Variants in DOCK5 observed in about 807,000 individuals in gnomAD.
DOCK5 encodes the protein dedicator of cytokinesis 5, also known as dedicator of cytokinesis protein 5.
A neutral mutation model predicts 251.8 loss-of-function variants in DOCK5; 142 were observed. That is an observed-to-expected ratio of 0.56 (90% confidence interval 0.49 to 0.65). The LOEUF (loss-of-function observed/expected upper bound fraction) is 0.65, where lower values mean the gene tolerates loss of function less well. DOCK5 is among the 30% of genes least tolerant of loss of function. DOCK5 has a pLI of 0.00. For missense variants in DOCK5, 2,111 were observed against 2,312.3 expected (o/e 0.91, Z 1.79); for synonymous variants, 842 against 835.5 (o/e 1.01, Z -0.13).
intron 1 of DOCK5, among the ~76,000 whole-genome samples, chr8:25,208,494 C>G (rs1802054654): frequency 6.6e-6 from 1 of 152,164 alleles, no homozygotes; most frequent in African/African-American, 2.4e-5. Flanking sequence ...CAACTGCCAC[C>G]CTGATCCATG....
chr8:25,262,919 A>G (rs901055327), intron 2 of DOCK5, among the ~76,000 whole-genome samples: 17 of 151,880 alleles, frequency 1.1e-4, no homozygotes, highest in Non-Finnish European at 7.4e-5. Flanking sequence ...TCCAGGTTCA[A>G]GTGATTCTCC....
At chr8:25,265,641 A>G (rs1303554563) in intron 2 of DOCK5, among the ~76,000 whole-genome samples, 1 of 151,782 alleles carries the variant, frequency 6.6e-6, no homozygotes. Context: ...ATTAGAGTGT[A>G]ATCTTCATGT....
chr8:25,329,977 C>T (rs1279709123), intron 18 of DOCK5, among the ~76,000 whole-genome samples: 1 of 152,172 alleles, frequency 6.6e-6, no homozygotes, highest in African/African-American at 2.4e-5. Context: ...AAATATTTTC[C>T]TATGTGAGCA....
At chr8:25,393,737 C>G (rs1434825606) in intron 44 of DOCK5, among the ~76,000 whole-genome samples, 2 of 152,162 alleles carry the variant, frequency 1.3e-5, no homozygotes, top group Non-Finnish European at 2.9e-5. Context: ...TTGTCTGTCC[C>G]CTGTGGCATC....
intron 5 of DOCK5, among the ~76,000 whole-genome samples, chr8:25,290,656 A>T (rs1377050209): frequency 6.6e-6 from 1 of 152,186 alleles, no homozygotes; most frequent in Non-Finnish European, 1.5e-5. Flanking sequence ...TTATTTCTCC[A>T]TTCATAATTC....
In DOCK5 at chr8:25,207,903, T is replaced by C. The variant is rs192552240; in HGVS notation, c.43+22952T>C. On this transcript the variant is annotated intron_variant, in intron 1 of 51. Transcript: ENST00000276440. Reference sequence around the variant, plus strand: ...GTGATTACGCTGATGGTTCTAGGTGTAGTACATTAAAAACCTTCTGGAAAG... The same window carrying C: ...GTGATTACGCTGATGGTTCTAGGTGCAGTACATTAAAAACCTTCTGGAAAG... Among the ~76,000 whole-genome samples the C allele has an allele frequency of 5.3e-5, 8 of 152,312 alleles. No individual in the cohort carries two copies. In the East Asian group the frequency reaches 1.3e-3, roughly 26 times the overall value.
At chr8:25,207,608 C>T (rs1802032707) in intron 1 of DOCK5, among the ~76,000 whole-genome samples, 1 of 152,206 alleles carries the variant, frequency 6.6e-6, no homozygotes, top group Non-Finnish European at 1.5e-5. Flanking sequence ...GACAGTACAT[C>T]TGTTGACAGC....
chr8:25,350,292 G>A (rs1162659086), intron 26 of DOCK5, among the ~76,000 whole-genome samples: 3 of 151,874 alleles, frequency 2.0e-5, no homozygotes, highest in Non-Finnish European at 4.4e-5. Context: ...TTAAGCAGGA[G>A]TTTCAAAGTA....
intron 7 of DOCK5, among the ~76,000 whole-genome samples, chr8:25,297,747 C>A (rs565921103): frequency 6.6e-6 from 1 of 152,136 alleles, no homozygotes; most frequent in East Asian, 1.9e-4. Context: ...AATAATTGGA[C>A]ATTAAAGAAA....
rs1361092837 is a variant in DOCK5, at chr8:25,372,706, TG to T, written c.3673del (p.Val1225Ter). ...ESKENRMSCT[V>X]NVLNFYKEKK... ...GCAAGGAGAACCGTATGAGCTGCAC[TG>T]TGAACGTGCTGGTATGTGACATGCC... On this transcript the variant is annotated frameshift_variant, in exon 35 of 52. Coordinates refer to ENST00000276440, the MANE Select transcript of DOCK5 (RefSeq NM_024940.8). LOFTEE classifies it high-confidence loss of function. 4 of 1,610,778 alleles carry T rather than the reference TG, an allele frequency of 2.5e-6. No homozygotes were observed. Among genetic ancestry groups the T allele is most frequent in the Non-Finnish European group, 2.5e-6 (3 of 1,178,566 alleles).
chr8:25,365,891 C>T (rs1247462184), intron 30 of DOCK5, among the ~76,000 whole-genome samples: 5 of 152,156 alleles, frequency 3.3e-5, no homozygotes, highest in Admixed American at 6.5e-5. Context: ...TACACACATA[C>T]ACACACAGAG....
chr8:25,279,952 A>T (rs1346415931), intron 5 of DOCK5, among the ~76,000 whole-genome samples: 1 of 151,726 alleles, frequency 6.6e-6, no homozygotes, highest in Non-Finnish European at 1.5e-5. Flanking sequence ...TTTAGTAGAG[A>T]TGGGGTTTTA....
intron 1 of DOCK5, among the ~76,000 whole-genome samples, chr8:25,188,436 T>C (rs1437128690): frequency 6.6e-6 from 1 of 152,246 alleles, no homozygotes; most frequent in Non-Finnish European, 1.5e-5. Flanking sequence ...TTGCCTGTTG[T>C]GCTCTAAGAG....
At chr8:25,255,277 A>G (rs754872724) in intron 2 of DOCK5, among the ~76,000 whole-genome samples, 1 of 152,256 alleles carries the variant, frequency 6.6e-6, no homozygotes, top group Admixed American at 6.5e-5. Context: ...AGCTTTATTC[A>G]TAATTGCCAA....
rs549528975 is a variant in DOCK5, at chr8:25,334,007, A to G, written c.2092-89A>G. On this transcript the variant is annotated intron_variant, in intron 20 of 51. Transcript: ENST00000276440. ...TGCTGCAGAAAAGATCCAGAGAGGA[A>G]AGAAGGCACCGAGATGTTAAAATGC... 1.3e-3 allele frequency: 1,190 copies of G among 928,342 alleles called. 15 individuals carry two copies. In the South Asian group the frequency reaches 0.015, roughly 12 times the overall value. The allele number at this position is 928,342 out of a possible 1,614,324, so 57.5% of individuals were successfully genotyped here. A position where few individuals can be genotyped will look rare whatever the true frequency, so the allele number is the denominator to read the frequency against.
At chr8:25,256,130 T>C in intron 2 of DOCK5, among the ~76,000 whole-genome samples, 1 of 152,244 alleles carries the variant, frequency 6.6e-6, no homozygotes, top group East Asian at 1.9e-4. Flanking sequence ...GAAAGATTCT[T>C]AGTCTTACTA....
At chr8:25,379,113 C>T (rs140335469) in intron 38 of DOCK5, among the ~76,000 whole-genome samples, 1 of 152,184 alleles carries the variant, frequency 6.6e-6, no homozygotes, top group Admixed American at 6.5e-5. Flanking sequence ...TGAAGAGGGT[C>T]TATGTTCAGC....
intron 1 of DOCK5, among the ~76,000 whole-genome samples, chr8:25,236,100 G>T (rs1016767224): frequency 6.6e-6 from 1 of 152,066 alleles, no homozygotes; most frequent in African/African-American, 2.4e-5. Flanking sequence ...ACCTGGCCAA[G>T]ATAGAGATTT....
intron 18 of DOCK5, among the ~76,000 whole-genome samples, chr8:25,327,593 G>A (rs995313998): frequency 2.6e-5 from 4 of 152,244 alleles, no homozygotes; most frequent in South Asian, 4.2e-4. Context: ...CTGACAACCC[G>A]CAGTTCTCAA....
Sources: gnomAD v4.1 joint callset for allele counts (sites outside exome capture counted in the v4.1 genomes callset) on GRCh38, gnomAD v4.1.1 for gene constraint, MANE v1.5 for transcripts, NCBI Gene and HGNC (gene_info 2026-07-23, HGNC 2026-07-21) for gene names.